Variants in SLC25A29 observed in about 807,000 individuals in gnomAD.
The protein encoded by SLC25A29 is solute carrier family 25 member 29, also known as mitochondrial basic amino acids transporter.
Under a neutral mutation model 10.0 loss-of-function variants are expected in SLC25A29, and 13 were observed. The observed-to-expected ratio is 1.30, with a 90% confidence interval of 0.85 to 2.07. The LOEUF (loss-of-function observed/expected upper bound fraction) is 2.07, where lower values mean the gene tolerates loss of function less well. Among genes scored for constraint, SLC25A29 ranks in the 30% most tolerant of loss-of-function variants. The probability of loss-of-function intolerance (pLI) is 0.00; values close to 1 mark genes in which losing one functional copy is unlikely to be tolerated. For missense variants in SLC25A29, 475 were observed against 447.6 expected (o/e 1.06, Z -0.55); for synonymous variants, 244 against 221.1 (o/e 1.10, Z -0.92).
chr14:100,303,444 C>T (rs1479028845), intron 1 of SLC25A29, among the ~76,000 whole-genome samples: 1 of 152,228 alleles, frequency 6.6e-6, no homozygotes, highest in Admixed American at 6.5e-5. Flanking sequence ...AGCAGAAAGA[C>T]CCTTACGCCA....
At chr14:100,283,385 C>A in the SLC25A29 span, among the ~76,000 whole-genome samples, 1 of 151,950 alleles carries the variant, frequency 6.6e-6, no homozygotes, top group African/African-American at 2.4e-5. Context: ...TGTGCAAGCC[C>A]AGAACTGCTG....
Position 100,306,256 on chromosome 14 carries a change from C to G in SLC25A29, c.-24G>C. 6.8e-7 allele frequency: 1 copy of G among 1,477,116 alleles called. No individual in the cohort carries two copies. The allele number at this position is 1,477,116 out of a possible 1,614,324, so 91.5% of individuals were successfully genotyped here. A position where few individuals can be genotyped will look rare whatever the true frequency, so the allele number is the denominator to read the frequency against. On this transcript the variant is annotated 5_prime_UTR_variant, in exon 1 of 4. Transcript: ENST00000359232. ...ATGGCCGGGTCCCCGGCGAGGCCGC[C>G]TTTCCTCCTCGTCCTCCCCCTGAGG...
At chr14:100,299,386 G>A in intron 1 of SLC25A29, 1 of 999,054 alleles carries the variant, frequency 1.0e-6, no homozygotes, top group Non-Finnish European at 1.2e-6. Flanking sequence ...TACCTGTAAA[G>A]GTTTACCTCC....
At chr14:100,284,777 T>C in the SLC25A29 span, among the ~76,000 whole-genome samples, 6 of 152,266 alleles carry the variant, frequency 3.9e-5, no homozygotes, top group African/African-American at 1.2e-4. Flanking sequence ...CGGTGGCTCA[T>C]GCCTGTAATC....
the SLC25A29 span, among the ~76,000 whole-genome samples, chr14:100,283,483 CTTTTTTTTTT>C: frequency 2.3e-5 from 3 of 128,606 alleles, no homozygotes; most frequent in Non-Finnish European, 5.0e-5. Context: ...TTTGGAATTG[CTTTTTTTTTT>C]TTTTTTTTTA....
In SLC25A29 at chr14:100,306,244, CG is replaced by C; in HGVS notation, c.-13del. 1 of 1,485,966 alleles carries C rather than the reference CG, an allele frequency of 6.7e-7. No homozygotes were observed. The allele number at this position is 1,485,966 out of a possible 1,614,324, so 92.0% of individuals were successfully genotyped here. On this transcript the variant is annotated 5_prime_UTR_variant, in exon 1 of 4. Transcript: ENST00000359232. The stretch of plus-strand genomic sequence containing the variant: ...AAGTCCAGCGCCATGGCCGGGTCCC[CG>C]GCGAGGCCGCCTTTCCTCCTCGTCC...
At chr14:100,290,133 C>T (rs1460413430), downstream of SLC25A29, among the ~76,000 whole-genome samples, 1 of 152,196 alleles carries the variant, frequency 6.6e-6, no homozygotes, top group East Asian at 1.9e-4. Context: ...ACAAGGGTCA[C>T]GTTGGGGCCT....
downstream of SLC25A29, among the ~76,000 whole-genome samples, chr14:100,290,627 G>T (rs1891641762): frequency 6.6e-6 from 1 of 152,214 alleles, no homozygotes; most frequent in Non-Finnish European, 1.5e-5. Context: ...TGCAGGTGAG[G>T]TGGGCAGTGA....
intron 1 of SLC25A29, chr14:100,305,046 G>C (rs888277333): frequency 6.6e-6 from 1 of 152,182 alleles, no homozygotes; most frequent in Non-Finnish European, 1.5e-5. Flanking sequence ...TCTGTCTCCA[G>C]GGCACCCAGC....
At chr14:100,299,983 G>A (rs984883495) in intron 1 of SLC25A29, 61 of 985,188 alleles carry the variant, frequency 6.2e-5, no homozygotes, top group Non-Finnish European at 7.1e-5. Flanking sequence ...TTAATACTTT[G>A]GACCTGGCCA....
chr14:100,303,500 T>C (rs1892696807), intron 1 of SLC25A29, among the ~76,000 whole-genome samples: 1 of 152,162 alleles, frequency 6.6e-6, no homozygotes, highest in Non-Finnish European at 1.5e-5. Context: ...CCCACTCAAG[T>C]CTCCCAGGAG....
intron 1 of SLC25A29, among the ~76,000 whole-genome samples, chr14:100,301,799 C>T (rs1276679588): frequency 2.0e-5 from 3 of 152,148 alleles, no homozygotes; most frequent in African/African-American, 7.2e-5. Context: ...TGTGAGCCAC[C>T]ACGCCCGGCA....
chr14:100,306,257 T>G lies in SLC25A29; in HGVS notation c.-25A>C. The G allele has an allele frequency of 6.8e-7, 1 of 1,476,466 alleles. No individual in the cohort carries two copies. Among genetic ancestry groups the G allele is most frequent in the Non-Finnish European group, 9.0e-7 (1 of 1,117,008 alleles). The allele number at this position is 1,476,466 out of a possible 1,614,324, so 91.5% of individuals were successfully genotyped here. ...TGGCCGGGTCCCCGGCGAGGCCGCC[T>G]TTCCTCCTCGTCCTCCCCCTGAGGC... On this transcript the variant is annotated 5_prime_UTR_variant, in exon 1 of 4. Transcript: ENST00000359232.
intron 1 of SLC25A29, chr14:100,299,489 C>A: frequency 1.0e-6 from 1 of 986,896 alleles, no homozygotes; most frequent in Non-Finnish European, 1.2e-6. Flanking sequence ...ACCTCCGTCC[C>A]CTTCCCTCAG....
the SLC25A29 span, among the ~76,000 whole-genome samples, chr14:100,285,240 A>T: frequency 6.6e-6 from 1 of 151,924 alleles, no homozygotes; most frequent in Non-Finnish European, 1.5e-5. Flanking sequence ...TAGCGCGGGC[A>T]GCCCTGCCCG....
intron 1 of SLC25A29, among the ~76,000 whole-genome samples, chr14:100,301,506 G>C (rs1892545275): frequency 6.6e-6 from 1 of 151,460 alleles, no homozygotes; most frequent in South Asian, 2.1e-4. Flanking sequence ...TTTCAGCAAA[G>C]GGTTACTTCC....
At position 100,292,778 on chromosome 14, in the gene SLC25A29, C is replaced by T; in HGVS notation, c.417G>A (p.Ala139=). ...RTYKGSLDCL[A]QIYGHEGLRG... ...GCAGACCCTCGTGCCCGTAGATCTG[C>T]GCGAGGCAGTCCAGCGAGCCCTTGT... is the stretch of plus-strand genomic sequence containing the variant. Residue 139 remains alanine (A), a synonymous_variant, in exon 4 of 4, where the codon GCG becomes GCA. Transcript: ENST00000359232. 6.3e-7 allele frequency: 1 copy of T among 1,598,724 alleles called. No homozygotes were observed.
rs1891873288 is a variant in SLC25A29 at position 100,293,039 on chromosome 14, G to GCT, written c.163-8_163-7insAG. 10 of 1,524,586 alleles carry GCT rather than the reference G, an allele frequency of 6.6e-6. No individual in the cohort carries two copies. Among genetic ancestry groups the GCT allele is most frequent in the African/African-American group, 1.4e-5 (1 of 72,588 alleles). The allele number at this position is 1,524,586 out of a possible 1,614,324, so 94.4% of individuals were successfully genotyped here. A position where few individuals can be genotyped will look rare whatever the true frequency, so the allele number is the denominator to read the frequency against. On this transcript the variant is annotated splice_polypyrimidine_tract_variant and splice_region_variant and intron_variant, in intron 3 of 3. Transcript: ENST00000359232. ...CCTTGTACAGGCCCAGCACCTGCGGGGACAGAGACGCCATCAGAGCCGGCA... is the reference window on the plus strand; with the variant it reads ...CCTTGTACAGGCCCAGCACCTGCGGGCTGACAGAGACGCCATCAGAGCCGGCA...
At chr14:100,303,193 G>A (rs1051219797) in intron 1 of SLC25A29, among the ~76,000 whole-genome samples, 6 of 152,144 alleles carry the variant, frequency 3.9e-5, no homozygotes, top group Admixed American at 6.5e-5. Flanking sequence ...GAAAATCCTC[G>A]TTCTAGAACC....
Sources: allele counts gnomAD v4.1 joint callset (sites outside exome capture counted in the v4.1 genomes callset), GRCh38; gene constraint gnomAD v4.1.1; transcripts MANE v1.5; gene names NCBI Gene and HGNC (gene_info 2026-07-23, HGNC 2026-07-21).